Variants in SAXO1 observed in about 807,000 individuals in gnomAD.
The protein encoded by SAXO1 is 4930500O09Rik.
In SAXO1, 21 loss-of-function variants were observed where a neutral mutation model predicts 17.5. That is an observed-to-expected ratio of 1.20 (90% CI 0.85 to 1.72). The LOEUF (loss-of-function observed/expected upper bound fraction) is 1.72. Ranked by LOEUF, SAXO1 falls within the 40% of genes most tolerant of loss-of-function variation. The pLI is 0.00. For synonymous variants in SAXO1, 274 were observed against 216.5 expected (o/e 1.27, Z -2.33); for missense variants, 843 against 596.0 (o/e 1.41, Z -4.32).
intron 1 of SAXO1, among the ~76,000 whole-genome samples, chr9:18,978,934 A>C (rs926275414): frequency 1.3e-5 from 2 of 152,218 alleles, no homozygotes; most frequent in African/African-American, 4.8e-5. Context: ...CTCCAGTTGA[A>C]AAATAAGAAA....
chr9:18,964,609 C>T (rs1420504953), intron 1 of SAXO1, among the ~76,000 whole-genome samples: 1 of 152,042 alleles, frequency 6.6e-6, no homozygotes, highest in South Asian at 2.1e-4. Flanking sequence ...GGTGATATTC[C>T]CTTTATCATT....
chr9:18,969,865 A>G (rs1455188042), intron 1 of SAXO1, among the ~76,000 whole-genome samples: 1 of 152,256 alleles, frequency 6.6e-6, no homozygotes, highest in Non-Finnish European at 1.5e-5. Flanking sequence ...AGCAAGGCCA[A>G]TGGGGTTAAG....
At chr9:18,939,268 A>C (rs1831446903) in intron 3 of SAXO1, among the ~76,000 whole-genome samples, 1 of 152,176 alleles carries the variant, frequency 6.6e-6, no homozygotes, top group South Asian at 2.1e-4. Context: ...TAAAAAGGAG[A>C]AGAATGCATT....
chr9:18,994,010 T>G (rs891297219), intron 1 of SAXO1, among the ~76,000 whole-genome samples: 3 of 152,218 alleles, frequency 2.0e-5, no homozygotes. Flanking sequence ...CAACTTATCA[T>G]TTCTGACACT....
At chr9:18,967,063 T>C (rs932459229) in intron 1 of SAXO1, among the ~76,000 whole-genome samples, 3 of 152,208 alleles carry the variant, frequency 2.0e-5, no homozygotes, top group Admixed American at 6.5e-5. Context: ...TGCCTGGGTA[T>C]CAACAGAGGA....
intron 1 of SAXO1, among the ~76,000 whole-genome samples, chr9:19,000,661 T>C (rs1834228896): frequency 6.6e-6 from 1 of 152,112 alleles, no homozygotes; most frequent in Non-Finnish European, 1.5e-5. Context: ...CCTTCTGCCC[T>C]CCCCAAGTTT....
chr9:19,036,532 G>A (rs1835944224), upstream of SAXO1, among the ~76,000 whole-genome samples: 1 of 152,106 alleles, frequency 6.6e-6, no homozygotes, highest in Non-Finnish European at 1.5e-5. Flanking sequence ...CATCCCAGCT[G>A]CTCCAGCCAT....
intron 1 of SAXO1, among the ~76,000 whole-genome samples, chr9:18,960,320 C>T (rs1382028277): frequency 1.3e-5 from 2 of 152,106 alleles, no homozygotes; most frequent in Non-Finnish European, 2.9e-5. Flanking sequence ...AGAGCCAATC[C>T]TCTGGGGGAA....
rs140017194 is a variant in SAXO1 at position 18,989,822 on chromosome 9, C to T, written c.39-38885G>A. On this transcript the variant is annotated intron_variant, in intron 1 of 3. Coordinates refer to ENST00000380534, the MANE Select transcript of SAXO1 (RefSeq NM_153707.4). ...TTGAGGGACATGATAAGCTGTTTAC[C>T]TGTCCAAGAGGAACTTCAACATCAT... Among the ~76,000 whole-genome samples, 245 of 152,308 alleles carry T rather than the reference C, an allele frequency of 1.6e-3. 1 individual carries two copies. The highest frequency in any genetic ancestry group is 5.6e-3 in the African/African-American group (233 of 41,574).
intron 1 of SAXO1, among the ~76,000 whole-genome samples, chr9:18,953,674 T>C (rs943789200): frequency 6.6e-6 from 1 of 152,170 alleles, no homozygotes; most frequent in Non-Finnish European, 1.5e-5. Flanking sequence ...CCATGTCTTC[T>C]CATTGGTGAT....
In SAXO1 at chr9:19,039,025, A is replaced by G. The variant is rs189518621; in HGVS notation, c.-158+10184T>C. ...TGGCCTTATAACTCACCCAACCCCAAACTTATTGCTGTATACCATCTGAAA... is the reference window on the plus strand; with the variant it reads ...TGGCCTTATAACTCACCCAACCCCAGACTTATTGCTGTATACCATCTGAAA... On this transcript the variant is annotated intron_variant, in intron 1 of 3. Transcript: ENST00000542071. 2.6e-5 allele frequency among the ~76,000 whole-genome samples: 4 copies of G among 152,246 alleles called. No homozygotes were observed. The East Asian group carries it at 7.7e-4, about 29-fold the overall frequency.
intron 1 of SAXO1, among the ~76,000 whole-genome samples, chr9:19,032,613 C>T (rs1436205099): frequency 6.6e-6 from 1 of 152,202 alleles, no homozygotes; most frequent in Non-Finnish European, 1.5e-5. Flanking sequence ...GTGCAGACTG[C>T]GCGGTCACGC....
intron 1 of SAXO1, among the ~76,000 whole-genome samples, chr9:18,972,223 A>G (rs1396748680): frequency 6.6e-6 from 1 of 152,230 alleles, no homozygotes; most frequent in African/African-American, 2.4e-5. Context: ...TATTTCTGGT[A>G]GAAGATAGCC....
intron 1 of SAXO1, among the ~76,000 whole-genome samples, chr9:18,978,748 T>C (rs1167978349): frequency 6.6e-6 from 1 of 152,206 alleles, no homozygotes; most frequent in Non-Finnish European, 1.5e-5. Context: ...AGGAAGATAT[T>C]ATCAACAGTT....
intron 1 of SAXO1, among the ~76,000 whole-genome samples, chr9:18,975,181 G>A (rs1300328298): frequency 4.6e-5 from 7 of 152,076 alleles, no homozygotes; most frequent in Admixed American, 2.6e-4. Context: ...GTGACAGCAT[G>A]AGTGCTGGGG....
intron 1 of SAXO1, among the ~76,000 whole-genome samples, chr9:19,019,427 G>C (rs1835132036): frequency 6.6e-6 from 1 of 151,980 alleles, no homozygotes; most frequent in South Asian, 2.1e-4. Context: ...CAACACAAGA[G>C]TCAGAAAAAG....
At chr9:18,982,728 G>A (rs938940889) in intron 1 of SAXO1, among the ~76,000 whole-genome samples, 1 of 152,216 alleles carries the variant, frequency 6.6e-6, no homozygotes, top group African/African-American at 2.4e-5. Flanking sequence ...ATGTAGAGAT[G>A]TCTGCTTTTG....
intron 1 of SAXO1, among the ~76,000 whole-genome samples, chr9:19,001,285 C>T (rs910801334): frequency 6.6e-6 from 1 of 152,176 alleles, no homozygotes; most frequent in African/African-American, 2.4e-5. Flanking sequence ...GATTAAGAAA[C>T]TCACTCAAAA....
chr9:19,040,393 G>A (rs1050592049), intron 1 of SAXO1, among the ~76,000 whole-genome samples: 1 of 152,124 alleles, frequency 6.6e-6, no homozygotes, highest in Non-Finnish European at 1.5e-5. Context: ...GCTGAGCACA[G>A]TGTCTCTGGG....
Sources: allele counts gnomAD v4.1 joint callset (sites outside exome capture counted in the v4.1 genomes callset), GRCh38; gene constraint gnomAD v4.1.1; transcripts MANE v1.5; gene names NCBI Gene and HGNC (gene_info 2026-07-23, HGNC 2026-07-21).